Variants in ALKBH8 observed in about 807,000 individuals in gnomAD.
ALKBH8 encodes alkB homolog 8, tRNA methyltransferase.
A neutral mutation model predicts 59.8 loss-of-function variants in ALKBH8; 36 were observed. The observed-to-expected ratio is 0.60, with a 90% CI of 0.46 to 0.79. The LOEUF is 0.79. Ranked by LOEUF, ALKBH8 falls within the 30% of genes least tolerant of loss-of-function variation. The probability of loss-of-function intolerance (pLI) is 0.00; values close to 1 mark genes in which losing one functional copy is unlikely to be tolerated. For missense variants in ALKBH8, 768 were observed against 801.0 expected, an observed-to-expected ratio of 0.96 and a Z score of 0.50; for synonymous variants, 276 against 273.6, an observed-to-expected ratio of 1.01 and a Z score of -0.09.
chr11:107,528,565 C>G (rs942247353), intron 8 of ALKBH8, among the ~76,000 whole-genome samples: 2 of 152,162 alleles, frequency 1.3e-5, no homozygotes, highest in Non-Finnish European at 2.9e-5. Flanking sequence ...TCTTGAAGCT[C>G]TTGTTAGCAA....
intron 7 of ALKBH8, among the ~76,000 whole-genome samples, chr11:107,548,489 G>C (rs1345978696): frequency 6.6e-6 from 1 of 152,186 alleles, no homozygotes; most frequent in Non-Finnish European, 1.5e-5. Context: ...CCTAAAGCTA[G>C]AAGCAAGGAT....
intron 7 of ALKBH8, among the ~76,000 whole-genome samples, chr11:107,544,492 A>G (rs944373242): frequency 2.0e-5 from 3 of 152,220 alleles, no homozygotes; most frequent in African/African-American, 7.2e-5. Context: ...ACATAAAAAT[A>G]GAAGAATCTT....
chr11:107,549,137 C>T (rs1052326401), intron 7 of ALKBH8, among the ~76,000 whole-genome samples: 2 of 152,182 alleles, frequency 1.3e-5, no homozygotes, highest in African/African-American at 4.8e-5. Flanking sequence ...AGGCATAAGC[C>T]ACCGCACCCA....
At chr11:107,556,540 G>A (rs1011997268) in intron 3 of ALKBH8, among the ~76,000 whole-genome samples, 1 of 152,134 alleles carries the variant, frequency 6.6e-6, no homozygotes, top group Non-Finnish European at 1.5e-5. Context: ...GTTGACTGGT[G>A]GGACTAGCTT....
chr11:107,561,967 T>C (rs1864955162), intron 1 of ALKBH8, among the ~76,000 whole-genome samples: 1 of 152,174 alleles, frequency 6.6e-6, no homozygotes, highest in Admixed American at 6.5e-5. Context: ...AATTTAATGC[T>C]GATGGTACAG....
intron 7 of ALKBH8, among the ~76,000 whole-genome samples, chr11:107,547,241 G>T (rs1280028757): frequency 6.6e-6 from 1 of 152,216 alleles, no homozygotes; most frequent in Non-Finnish European, 1.5e-5. Context: ...CAAAGGTATA[G>T]TACTCAGATT....
At chr11:107,530,801 T>C (rs1863563745) in intron 8 of ALKBH8, among the ~76,000 whole-genome samples, 1 of 152,224 alleles carries the variant, frequency 6.6e-6, no homozygotes, top group African/African-American at 2.4e-5. Context: ...GACAACTCTA[T>C]TAACATTTAA....
Position 107,556,688 on chromosome 11 carries a change from C to T in ALKBH8, c.367+78G>A, listed in dbSNP as rs751590100. 5 of 1,051,494 alleles carry T rather than the reference C, an allele frequency of 4.8e-6. No homozygotes were observed. In the African/African-American group the frequency reaches 5.0e-5, roughly 10 times the overall value. The allele number at this position is 1,051,494 out of a possible 1,614,324, so 65.1% of individuals were successfully genotyped here. ...GCTTCCTCATTTTGTTTCACAATAA[C>T]TGAACCTCCCAACTTAAGTCTATGA... On this transcript the variant is annotated intron_variant, in intron 3 of 11. Coordinates refer to ENST00000428149, the MANE Select transcript of ALKBH8 (RefSeq NM_138775.3).
chr11:107,555,098 A>C (rs1276246949), intron 3 of ALKBH8, among the ~76,000 whole-genome samples: 1 of 152,094 alleles, frequency 6.6e-6, no homozygotes, highest in Non-Finnish European at 1.5e-5. Context: ...TCTCTACTAA[A>C]AATACAAAAA....
intron 7 of ALKBH8, among the ~76,000 whole-genome samples, chr11:107,539,437 T>C (rs1372177860): frequency 6.6e-6 from 1 of 152,008 alleles, no homozygotes; most frequent in Non-Finnish European, 1.5e-5. Context: ...CCGTTTCTAC[T>C]AGAAATACAA....
chr11:107,544,445 T>C (rs993511213), intron 7 of ALKBH8, among the ~76,000 whole-genome samples: 5 of 152,168 alleles, frequency 3.3e-5, no homozygotes, highest in Non-Finnish European at 5.9e-5. Context: ...CAAAAGAGAA[T>C]GCTGGCTTCC....
At chr11:107,538,221 A>AT (rs1197641510) in intron 7 of ALKBH8, among the ~76,000 whole-genome samples, 1 of 151,674 alleles carries the variant, frequency 6.6e-6, no homozygotes, top group East Asian at 1.9e-4. Context: ...TTGACAGTAT[A>AT]TTTTTTTAAA....
chr11:107,548,233 C>T (rs543254316), intron 7 of ALKBH8, among the ~76,000 whole-genome samples: 28 of 152,158 alleles, frequency 1.8e-4, no homozygotes, highest in African/African-American at 4.8e-4. Context: ...TCCTGTTATA[C>T]GAACAGCCTC....
chr11:107,560,659 C>T, intron 2 of ALKBH8, 106 bp downstream of exon 2: 1 of 1,107,868 alleles, frequency 9.0e-7, no homozygotes, highest in Non-Finnish European at 1.3e-6. Context: ...GGATGTAACA[C>T]ATGACTGAAC....
At chr11:107,562,675 C>G (rs1201100161) in intron 1 of ALKBH8, 1 of 152,164 alleles carries the variant, frequency 6.6e-6, no homozygotes, top group Non-Finnish European at 1.5e-5. Flanking sequence ...AGCAGTCCAG[C>G]TTCCTAGCAC....
In ALKBH8 at chr11:107,532,657, C is replaced by T. The variant is rs561063496; in HGVS notation, c.772-251G>A. Reference sequence around the variant, plus strand: ...CTGGAGTAAGGCTCAGAAATCTCCACATCTAATAATCACCCCAAGAAATTA... The same window carrying T: ...CTGGAGTAAGGCTCAGAAATCTCCATATCTAATAATCACCCCAAGAAATTA... On this transcript the variant is annotated intron_variant, in intron 7 of 11. Coordinates refer to ENST00000428149, the MANE Select transcript of ALKBH8 (RefSeq NM_138775.3). Among the ~76,000 whole-genome samples, 30 of 152,254 alleles carry T rather than the reference C, an allele frequency of 2.0e-4. No individual in the cohort carries two copies. In the South Asian group the frequency reaches 5.4e-3, roughly 27 times the overall value.
At chr11:107,508,875 AG>A (rs1376050520) in intron 11 of ALKBH8, among the ~76,000 whole-genome samples, 2 of 152,334 alleles carry the variant, frequency 1.3e-5, no homozygotes, top group Admixed American at 1.3e-4. Context: ...ATTCCCTTAT[AG>A]GTACATAGCA....
chr11:107,547,610 G>C (rs1425046165), intron 7 of ALKBH8, among the ~76,000 whole-genome samples: 1 of 152,166 alleles, frequency 6.6e-6, no homozygotes, highest in Non-Finnish European at 1.5e-5. Context: ...TTAGTGGACT[G>C]TTTTAAATAG....
At chr11:107,521,919 G>C (rs778473221) in intron 10 of ALKBH8, among the ~76,000 whole-genome samples, 11 of 152,110 alleles carry the variant, frequency 7.2e-5, no homozygotes, top group Non-Finnish European at 2.9e-5. Flanking sequence ...ATCACTGTGA[G>C]CCCCAATTTC....
Sources: gnomAD v4.1 joint callset for allele counts (sites outside exome capture counted in the v4.1 genomes callset) on GRCh38, gnomAD v4.1.1 for gene constraint, MANE v1.5 for transcripts, NCBI Gene and HGNC (gene_info 2026-07-23, HGNC 2026-07-21) for gene names.